Variants in CEP152 observed in about 807,000 individuals in gnomAD.
CEP152 encodes the protein centrosomal protein of 152 kDa.
In CEP152, 132 loss-of-function variants were observed where a neutral mutation model predicts 188.9. The observed-to-expected ratio is 0.70, with a 90% CI of 0.61 to 0.81. CEP152 has a LOEUF of 0.81. CEP152 is among the 30% of genes least tolerant of loss of function. The pLI, the probability that CEP152 is intolerant of heterozygous loss-of-function variation, is 0.00. For missense variants in CEP152, 1,914 were observed against 1,969.8 expected (o/e 0.97, Z 0.54); for synonymous variants, 649 against 666.6 (o/e 0.97, Z 0.41).
In CEP152 at chr15:48,797,581, T is replaced by A; in HGVS notation, c.262-2A>T. 1 of 1,614,054 alleles carries A rather than the reference T, an allele frequency of 6.2e-7. No individual in the cohort carries two copies. On this transcript the variant is annotated splice_acceptor_variant, in intron 4 of 26. Transcript: ENST00000380950. LOFTEE classifies it high-confidence loss of function. ...TAAACTCTGAATTTCATTATAGCCC[T>A]ATTAGATAACAAGAGTAAAACAAAA... is the stretch of plus-strand genomic sequence containing the variant.
intron 24 of CEP152, among the ~76,000 whole-genome samples, chr15:48,742,329 A>C (rs1020319459): frequency 2.0e-5 from 3 of 152,246 alleles, no homozygotes; most frequent in African/African-American, 7.2e-5. Flanking sequence ...AGCTACATAT[A>C]GTAAGGAAAC....
rs531424958 is a variant in CEP152, at chr15:48,805,439, T to G, written c.87+124A>C. 1.4e-3 allele frequency: 1,629 copies of G among 1,174,690 alleles called. 26 individuals are homozygous for G. The African/African-American group carries it at 0.023, about 17-fold the overall frequency. 72.8% of individuals were successfully genotyped at this position (1,174,690 alleles called of 1,614,324 possible). ...AAATAGCAAGCAGATTTTAGGGTTG[T>G]TTTTTTTTTAAAAAATCCAAATCCC... On this transcript the variant is annotated intron_variant, in intron 2 of 26. Transcript: ENST00000380950.
intron 21 of CEP152, among the ~76,000 whole-genome samples, chr15:48,750,645 T>C (rs1281074775): frequency 6.6e-6 from 1 of 152,116 alleles, no homozygotes; most frequent in African/African-American, 2.4e-5. Context: ...TACACTGAAA[T>C]ACTATGTAGC....
chr15:48,792,955 G>A (rs1295999357), intron 7 of CEP152, among the ~76,000 whole-genome samples: 1 of 151,936 alleles, frequency 6.6e-6, no homozygotes, highest in Non-Finnish European at 1.5e-5. Flanking sequence ...CCAAGTAGAT[G>A]GGATTACAGG....
chr15:48,732,482 T>C (rs1228571384), intron 2 of CEP152, among the ~76,000 whole-genome samples: 1 of 151,586 alleles, frequency 6.6e-6, no homozygotes, highest in African/African-American at 2.4e-5. Flanking sequence ...AGTGAGAACA[T>C]TGGGAGCTGA....
At chr15:48,741,105 T>C (rs1036486033) in intron 26 of CEP152, 1 of 997,586 alleles carries the variant, frequency 1.0e-6, no homozygotes, top group Non-Finnish European at 1.2e-6. Context: ...GGATTTCTTG[T>C]AGCTTCTGGT....
chr15:48,764,040 A>G (rs930224772), intron 17 of CEP152, among the ~76,000 whole-genome samples: 2 of 152,226 alleles, frequency 1.3e-5, no homozygotes, highest in African/African-American at 4.8e-5. Flanking sequence ...AATTCCTAAA[A>G]ATAAAACTGG....
At chr15:48,732,336 T>G (rs963914634) in intron 2 of CEP152, among the ~76,000 whole-genome samples, 2 of 152,206 alleles carry the variant, frequency 1.3e-5, no homozygotes, top group Admixed American at 6.5e-5. Context: ...ATACACACCA[T>G]GGAATACTAT....
At chr15:48,785,755 CA>C (rs1896581148) in intron 9 of CEP152, among the ~76,000 whole-genome samples, 1 of 151,730 alleles carries the variant, frequency 6.6e-6, no homozygotes, top group Non-Finnish European at 1.5e-5. Flanking sequence ...TACCAAAAAT[CA>C]AAAAAGATTG....
intron 12 of CEP152, among the ~76,000 whole-genome samples, chr15:48,775,612 G>A (rs1314287129): frequency 6.6e-6 from 1 of 152,128 alleles, no homozygotes; most frequent in African/African-American, 2.4e-5. Flanking sequence ...ACATGCTTGA[G>A]AAGAAATGGT....
At chr15:48,747,373 T>A (rs1893523620) in intron 22 of CEP152, among the ~76,000 whole-genome samples, 2 of 152,190 alleles carry the variant, frequency 1.3e-5, no homozygotes, top group South Asian at 4.1e-4. Flanking sequence ...CCATGGCTAT[T>A]AGGATGAACA....
At chr15:48,785,905 CAA>C (rs757758217) in intron 9 of CEP152, among the ~76,000 whole-genome samples, 4 of 101,444 alleles carry the variant, frequency 3.9e-5, no homozygotes, top group Admixed American at 2.2e-4. Context: ...GACTCCATCT[CAA>C]AAAAAAAAAA....
At chr15:48,755,266 G>A (rs1677251) in intron 20 of CEP152, among the ~76,000 whole-genome samples, 11,118 of 152,058 alleles carry the variant, frequency 0.073, 644 homozygotes, top group Admixed American at 0.17. Context: ...AGTTTTATGC[G>A]AGTGAGTCGT....
At chr15:48,798,130 T>C (rs1048235704) in intron 2 of CEP152, 79 bp from the exon 3 acceptor site, 2 of 1,091,474 alleles carry the variant, frequency 1.8e-6, no homozygotes, top group South Asian at 1.3e-5. Context: ...GAACGAGTGG[T>C]TTTTTACTGT....
chr15:48,747,621 T>C (rs564859103), intron 22 of CEP152, among the ~76,000 whole-genome samples: 39 of 152,178 alleles, frequency 2.6e-4, no homozygotes, highest in African/African-American at 8.9e-4. Context: ...CTAAAAAGAA[T>C]GTTGGGGAAA....
intron 12 of CEP152, among the ~76,000 whole-genome samples, chr15:48,778,006 T>C (rs1280739510): frequency 6.6e-6 from 1 of 152,174 alleles, no homozygotes; most frequent in Non-Finnish European, 1.5e-5. Context: ...CCAAATAAAC[T>C]GTAGTCCCTT....
At chr15:48,789,410 G>A (rs565799602) in intron 8 of CEP152, 1 of 233,224 alleles carries the variant, frequency 4.3e-6, no homozygotes, top group African/African-American at 2.2e-5. Context: ...AAAGACTGAT[G>A]AAACCTGCCA....
intron 17 of CEP152, among the ~76,000 whole-genome samples, chr15:48,766,620 C>A (rs1895119470): frequency 6.6e-6 from 1 of 152,148 alleles, no homozygotes; most frequent in African/African-American, 2.4e-5. Flanking sequence ...CTACTCTTCT[C>A]CCCAGAAGAA....
At chr15:48,765,791 C>G in intron 17 of CEP152, 1 of 325,386 alleles carries the variant, frequency 3.1e-6, no homozygotes, top group Non-Finnish European at 5.9e-6. Flanking sequence ...GTAGCTGGGA[C>G]TACAGGCGCG....
Sources: allele counts gnomAD v4.1 joint callset (sites outside exome capture counted in the v4.1 genomes callset), GRCh38; gene constraint gnomAD v4.1.1; transcripts MANE v1.5; gene names NCBI Gene and HGNC (gene_info 2026-07-23, HGNC 2026-07-21).